CNTN4: variants seen among roughly 807,000 people sequenced by gnomAD.
CNTN4 encodes the protein contactin 4, also known as contactin-4.
Under a neutral mutation model 122.5 loss-of-function variants are expected in CNTN4, and 77 were observed. That is an observed-to-expected ratio of 0.63 (90% CI 0.52 to 0.76). The LOEUF (loss-of-function observed/expected upper bound fraction) is 0.76, where lower values mean the gene tolerates loss of function less well. Among genes scored for constraint, CNTN4 ranks in the 30% least tolerant of loss-of-function variants. The probability of loss-of-function intolerance (pLI) is 0.00; values close to 1 mark genes in which losing one functional copy is unlikely to be tolerated. For missense variants in CNTN4, 1,256 were observed against 1,259.1 expected (o/e 1.00, Z 0.04); for synonymous variants, 512 against 447.0 (o/e 1.15, Z -1.83).
Position 2,679,920 on chromosome 3 carries a change from T to C in CNTN4, c.56-56295T>C, listed in dbSNP as rs140885085. The stretch of plus-strand genomic sequence containing the variant: ...GTCATTTCTAATTTTGCTTATCATT[T>C]ATTTGTCATTTGCTTAACTAGTATT... On this transcript the variant is annotated intron_variant, in intron 4 of 24. Transcript: ENST00000418658. Among the ~76,000 whole-genome samples, 344 of 152,360 alleles carry C rather than the reference T, an allele frequency of 2.3e-3. 1 individual carries two copies. Among genetic ancestry groups the C allele is most frequent in the South Asian group, 0.012 (56 of 4,830 alleles).
intron 13 of CNTN4, among the ~76,000 whole-genome samples, chr3:2,970,027 A>T (rs75346837): frequency 0.034 from 5,123 of 152,250 alleles, 284 homozygotes; most frequent in African/African-American, 0.12. Flanking sequence ...AGAAATTCAC[A>T]TATAACTTTT....
intron 3 of CNTN4, among the ~76,000 whole-genome samples, chr3:2,377,481 C>T (rs983539642): frequency 1.3e-5 from 2 of 152,238 alleles, no homozygotes; most frequent in Non-Finnish European, 2.9e-5. Context: ...AAGCTTTCCT[C>T]TCTAGAGATC....
At chr3:3,046,959 A>C (rs575243646) in intron 23 of CNTN4, among the ~76,000 whole-genome samples, 1 of 140,882 alleles carries the variant, frequency 7.1e-6, no homozygotes, top group African/African-American at 2.7e-5. Context: ...AAACAAAAAA[A>C]AGGCAGGGGT....
At chr3:2,246,926 A>C (rs542709271) in intron 2 of CNTN4, among the ~76,000 whole-genome samples, 5 of 151,986 alleles carry the variant, frequency 3.3e-5, no homozygotes, top group Non-Finnish European at 7.4e-5. Flanking sequence ...GTTCACTGCA[A>C]GTTGAGTAAG....
At chr3:2,317,061 C>T (rs1446417997) in intron 2 of CNTN4, among the ~76,000 whole-genome samples, 1 of 152,200 alleles carries the variant, frequency 6.6e-6, no homozygotes. Context: ...CATGTTTAAG[C>T]TCTCAGACCT....
chr3:2,692,724 A>G (rs1007011484), intron 4 of CNTN4, among the ~76,000 whole-genome samples: 2 of 152,168 alleles, frequency 1.3e-5, no homozygotes, highest in African/African-American at 4.8e-5. Flanking sequence ...ATAGCTTTAT[A>G]GAAAAATTCT....
At chr3:2,762,143 G>A (rs980325880) in intron 6 of CNTN4, among the ~76,000 whole-genome samples, 1 of 152,180 alleles carries the variant, frequency 6.6e-6, no homozygotes, top group African/African-American at 2.4e-5. Flanking sequence ...TTGAAGGAAC[G>A]AAGGGCAGAA....
intron 2 of CNTN4, among the ~76,000 whole-genome samples, chr3:2,218,475 G>A (rs1391500666): frequency 2.0e-5 from 3 of 152,066 alleles, no homozygotes; most frequent in South Asian, 2.1e-4. Flanking sequence ...TGCTGTGAGC[G>A]CACCTGTGAA....
intron 2 of CNTN4, among the ~76,000 whole-genome samples, chr3:2,294,430 A>C (rs1055274476): frequency 1.3e-5 from 2 of 152,060 alleles, no homozygotes; most frequent in African/African-American, 4.8e-5. Flanking sequence ...GTGAAGTTTG[A>C]GTCCAGCCTG....
chr3:2,370,016 C>G (rs977292595), intron 3 of CNTN4, among the ~76,000 whole-genome samples: 2 of 152,050 alleles, frequency 1.3e-5, no homozygotes, highest in Non-Finnish European at 2.9e-5. Flanking sequence ...TTGATAGTGC[C>G]GGAACACAGC....
At chr3:2,652,758 C>T (rs967001349) in intron 4 of CNTN4, among the ~76,000 whole-genome samples, 6 of 151,954 alleles carry the variant, frequency 3.9e-5, no homozygotes, top group African/African-American at 7.3e-5. Context: ...GAGTGGATCT[C>T]GTGTGTGAAT....
chr3:2,708,856 G>A (rs1453893619), intron 4 of CNTN4, among the ~76,000 whole-genome samples: 3 of 152,106 alleles, frequency 2.0e-5, no homozygotes, highest in Non-Finnish European at 4.4e-5. Flanking sequence ...TTATGTTGAA[G>A]ATAAATCTTT....
At chr3:2,150,665 C>A (rs1302066934) in intron 2 of CNTN4, among the ~76,000 whole-genome samples, 1 of 152,262 alleles carries the variant, frequency 6.6e-6, no homozygotes, top group East Asian at 1.9e-4. Flanking sequence ...AATTAGTCAA[C>A]CTAAAATGAG....
intron 2 of CNTN4, among the ~76,000 whole-genome samples, chr3:2,182,389 G>C (rs1247631161): frequency 1.3e-5 from 2 of 151,960 alleles, no homozygotes; most frequent in African/African-American, 2.4e-5. Flanking sequence ...TAAAGTTGTT[G>C]ATTATTTTTA....
At chr3:2,331,052 A>G (rs2043697876) in intron 2 of CNTN4, among the ~76,000 whole-genome samples, 1 of 152,078 alleles carries the variant, frequency 6.6e-6, no homozygotes, top group South Asian at 2.1e-4. Flanking sequence ...TTTTTTTGTG[A>G]TAATGGTAAA....
At chr3:2,664,722 G>A (rs781000160) in intron 4 of CNTN4, among the ~76,000 whole-genome samples, 3 of 152,100 alleles carry the variant, frequency 2.0e-5, no homozygotes, top group Non-Finnish European at 4.4e-5. Context: ...AAATATCACC[G>A]TTATACATTA....
intron 14 of CNTN4, chr3:3,008,852 C>A: frequency 3.6e-6 from 2 of 552,744 alleles, no homozygotes; most frequent in Non-Finnish European, 4.6e-6. Flanking sequence ...TAGACAACAG[C>A]AGTAGCAGGC....
At chr3:2,837,490 A>C (rs2093254474) in intron 7 of CNTN4, among the ~76,000 whole-genome samples, 1 of 152,172 alleles carries the variant, frequency 6.6e-6, no homozygotes, top group African/African-American at 2.4e-5. Context: ...TACTGGGGCA[A>C]GTGTGCAGTG....
intron 2 of CNTN4, among the ~76,000 whole-genome samples, chr3:2,183,604 A>C (rs2149294367): frequency 6.6e-6 from 1 of 152,294 alleles, no homozygotes; most frequent in Middle Eastern, 3.4e-3. Flanking sequence ...GAGAGACAAT[A>C]GAGAATCTAG....
Sources: gnomAD v4.1 joint callset for allele counts (sites outside exome capture counted in the v4.1 genomes callset) on GRCh38, gnomAD v4.1.1 for gene constraint, MANE v1.5 for transcripts, NCBI Gene and HGNC (gene_info 2026-07-23, HGNC 2026-07-21) for gene names.